The following SPON1 variants were observed in gnomAD, a reference collection of about 807,000 sequenced individuals.
The protein encoded by SPON1 is spondin 1.
In SPON1, 52 loss-of-function variants were observed where a neutral mutation model predicts 111.7. That is an observed-to-expected ratio of 0.47 (90% CI 0.37 to 0.59). SPON1 has a LOEUF of 0.59. Among genes scored for constraint, SPON1 ranks in the 20% least tolerant of loss-of-function variants. The pLI is 0.00. For missense variants in SPON1, 957 were observed against 1,068.5 expected, an observed-to-expected ratio of 0.90 and a Z score of 1.46; for synonymous variants, 410 against 395.8, an observed-to-expected ratio of 1.04 and a Z score of -0.43.
chr11:14,014,424 A>T (rs1169843153), intron 2 of SPON1, among the ~76,000 whole-genome samples: 1 of 152,166 alleles, frequency 6.6e-6, no homozygotes, highest in Non-Finnish European at 1.5e-5. Context: ...TTCCAGATAA[A>T]CTGTTAGTGC....
intron 1 of SPON1, among the ~76,000 whole-genome samples, chr11:13,970,061 T>C (rs781932402): frequency 6.6e-6 from 1 of 152,244 alleles, no homozygotes; most frequent in African/African-American, 2.4e-5. Context: ...CCTCCAATAG[T>C]GTGCAGTTGT....
At chr11:14,158,145 C>T (rs1847870843) in intron 6 of SPON1, among the ~76,000 whole-genome samples, 1 of 152,088 alleles carries the variant, frequency 6.6e-6, no homozygotes, top group African/African-American at 2.4e-5. Flanking sequence ...TATGGAAAAT[C>T]ACCTAATCAG....
intron 6 of SPON1, among the ~76,000 whole-genome samples, chr11:14,161,184 TA>T: frequency 1.5e-5 from 1 of 67,098 alleles, no homozygotes; most frequent in African/African-American, 5.7e-5. Context: ...TCTATATATT[TA>T]TATATCTATA....
At chr11:14,095,230 T>C (rs1308454484) in intron 5 of SPON1, among the ~76,000 whole-genome samples, 1 of 152,172 alleles carries the variant, frequency 6.6e-6, no homozygotes, top group Non-Finnish European at 1.5e-5. Context: ...GTCTAGTTTT[T>C]TCCCATTTAT....
At position 14,113,893 on chromosome 11, in the gene SPON1, C is replaced by T. The variant is rs188303480; in HGVS notation, c.677-21527C>T. On this transcript the variant is annotated intron_variant, in intron 5 of 15. Transcript: ENST00000576479. ...TGCTGGGATTACAGGCGTGAGCCAC[C>T]GCGCCTGGCCAAATTTTTATTTAAA... 4.4e-3 allele frequency among the ~76,000 whole-genome samples: 675 copies of T among 152,002 alleles called. 6 individuals carry two copies. Among genetic ancestry groups the T allele is most frequent in the African/African-American group, 0.015 (617 of 41,468 alleles).
intron 6 of SPON1, among the ~76,000 whole-genome samples, chr11:14,219,312 A>C (rs1848655862): frequency 6.6e-6 from 1 of 152,204 alleles, no homozygotes; most frequent in Non-Finnish European, 1.5e-5. Context: ...AACTTTGACA[A>C]TTAAATTCAA....
At chr11:14,046,840 G>C (rs1848671805) in intron 3 of SPON1, among the ~76,000 whole-genome samples, 1 of 152,172 alleles carries the variant, frequency 6.6e-6, no homozygotes, top group African/African-American at 2.4e-5. Context: ...AACATGGAAT[G>C]TTCCATATTT....
intron 3 of SPON1, among the ~76,000 whole-genome samples, chr11:14,043,073 T>C: frequency 6.6e-6 from 1 of 152,222 alleles, no homozygotes; most frequent in South Asian, 2.1e-4. Context: ...ATATATAACA[T>C]GTCTATAGTA....
chr11:14,242,214 G>A (rs1474242490), intron 6 of SPON1, among the ~76,000 whole-genome samples: 1 of 152,182 alleles, frequency 6.6e-6, no homozygotes, highest in Non-Finnish European at 1.5e-5. Flanking sequence ...GGATTTTCTA[G>A]GCAAGGTACC....
chr11:13,963,121 A>G lies in SPON1; in HGVS notation c.217A>G (p.Lys73Glu). The change falls in exon 1 of 16, where the codon AAG (lysine) becomes GAG (glutamate). Residue 73 changes from lysine to glutamate, a missense_variant. Transcript: ENST00000576479. ...LRVEGDPDFY[K>E]PGTSYRVTLS... is the part of the protein sequence containing the mutation. ...CGTGGAGGGCGACCCCGACTTCTACAAGCCGGGAACCAGCTACCGCGGTAA... is the reference window on the plus strand; with the variant it reads ...CGTGGAGGGCGACCCCGACTTCTACGAGCCGGGAACCAGCTACCGCGGTAA... 6.6e-7 allele frequency: 1 copy of G among 1,524,146 alleles called. No individual in the cohort carries two copies. The highest frequency in any genetic ancestry group is 8.8e-7 in the Non-Finnish European group (1 of 1,135,566). The allele number at this position is 1,524,146 out of a possible 1,614,324, so 94.4% of individuals were successfully genotyped here. A position where few individuals can be genotyped will look rare whatever the true frequency, so the allele number is the denominator to read the frequency against.
At chr11:13,974,790 C>T (rs1376534767) in intron 1 of SPON1, among the ~76,000 whole-genome samples, 1 of 152,176 alleles carries the variant, frequency 6.6e-6, no homozygotes, top group African/African-American at 2.4e-5. Context: ...ATCCCCCCTC[C>T]CCAGGGTGAT....
chr11:14,114,008 G>A (rs1554925739), intron 5 of SPON1, among the ~76,000 whole-genome samples: 1 of 152,136 alleles, frequency 6.6e-6, no homozygotes. Flanking sequence ...CACATCATGG[G>A]TAATGGTGTA....
intron 6 of SPON1, among the ~76,000 whole-genome samples, chr11:14,170,854 A>C (rs1264687901): frequency 6.6e-6 from 1 of 152,166 alleles, no homozygotes; most frequent in Non-Finnish European, 1.5e-5. Context: ...CCACTTGATC[A>C]TGGTGGATAA....
At chr11:14,190,947 T>C (rs1848340935) in intron 6 of SPON1, among the ~76,000 whole-genome samples, 1 of 152,050 alleles carries the variant, frequency 6.6e-6, no homozygotes, top group East Asian at 1.9e-4. Context: ...CTTCCTTTCT[T>C]AAATATTGTT....
At chr11:14,144,616 T>G in intron 6 of SPON1, among the ~76,000 whole-genome samples, 1 of 139,976 alleles carries the variant, frequency 7.1e-6, no homozygotes, top group Non-Finnish European at 1.5e-5. Flanking sequence ...GGTGACCGAG[T>G]GAGTGAGACT....
intron 1 of SPON1, among the ~76,000 whole-genome samples, chr11:13,972,556 C>A (rs1848071195): frequency 2.0e-5 from 3 of 152,282 alleles, no homozygotes; most frequent in South Asian, 4.1e-4. Flanking sequence ...GAATATTGAG[C>A]AACTCAGAGT....
intron 2 of SPON1, among the ~76,000 whole-genome samples, chr11:14,012,869 G>A (rs912247446): frequency 2.0e-5 from 3 of 152,098 alleles, no homozygotes; most frequent in Admixed American, 6.5e-5. Context: ...AGTGTTTGTT[G>A]AACAAAAGGA....
At chr11:14,063,934 G>C (rs1848811059) in intron 3 of SPON1, among the ~76,000 whole-genome samples, 1 of 152,220 alleles carries the variant, frequency 6.6e-6, no homozygotes, top group South Asian at 2.1e-4. Flanking sequence ...TCATGATTCA[G>C]ACCAGTCACT....
At chr11:14,178,248 C>G (rs999597724) in intron 6 of SPON1, among the ~76,000 whole-genome samples, 1 of 151,992 alleles carries the variant, frequency 6.6e-6, no homozygotes, top group African/African-American at 2.4e-5. Flanking sequence ...TGGTGAAACC[C>G]CATCTCTACT....
Sources: allele counts gnomAD v4.1 joint callset (sites outside exome capture counted in the v4.1 genomes callset), GRCh38; gene constraint gnomAD v4.1.1; transcripts MANE v1.5; gene names NCBI Gene and HGNC (gene_info 2026-07-23, HGNC 2026-07-21).